SCAPER: variants seen among roughly 807,000 people sequenced by gnomAD.
SCAPER encodes S phase cyclin A-associated protein in the endoplasmic reticulum.
SCAPER carries 98 observed loss-of-function variants against 182.2 expected under a neutral mutation model. The observed-to-expected ratio is 0.54, with a 90% CI of 0.46 to 0.64. SCAPER has a LOEUF of 0.64. SCAPER is among the 30% of genes least tolerant of loss of function. The probability of loss-of-function intolerance (pLI) is 0.00; values close to 1 mark genes in which losing one functional copy is unlikely to be tolerated. For synonymous variants in SCAPER, 605 were observed against 564.6 expected (o/e 1.07, Z -1.01); for missense variants, 1,432 against 1,690.0 (o/e 0.85, Z 2.68).
chr15:76,799,650 C>T (rs1009366573), intron 7 of SCAPER, among the ~76,000 whole-genome samples: 2 of 152,110 alleles, frequency 1.3e-5, no homozygotes, highest in Admixed American at 6.5e-5. Flanking sequence ...TCAGGCAAAA[C>T]GTACCAAGAA....
intron 26 of SCAPER, among the ~76,000 whole-genome samples, chr15:76,425,614 C>A (rs866368047): frequency 2.6e-5 from 4 of 152,214 alleles, no homozygotes; most frequent in Non-Finnish European, 4.4e-5. Context: ...CTTCTCTCAA[C>A]TTGTTAAAGT....
intron 21 of SCAPER, among the ~76,000 whole-genome samples, chr15:76,652,666 G>A (rs1028211565): frequency 1.3e-5 from 2 of 150,690 alleles, no homozygotes; most frequent in Admixed American, 6.6e-5. Flanking sequence ...AGCCAAGATC[G>A]TACCATTGCA....
At chr15:76,482,704 A>G (rs966945336) in intron 24 of SCAPER, among the ~76,000 whole-genome samples, 1 of 152,046 alleles carries the variant, frequency 6.6e-6, no homozygotes, top group African/African-American at 2.4e-5. Context: ...TATATTAGCA[A>G]TGACAAATTG....
chr15:76,476,434 C>G (rs2143008351), intron 24 of SCAPER, among the ~76,000 whole-genome samples: 1 of 150,872 alleles, frequency 6.6e-6, no homozygotes, highest in South Asian at 2.1e-4. Flanking sequence ...TTCTTTCTTT[C>G]TTTTTGAGAC....
intron 29 of SCAPER, among the ~76,000 whole-genome samples, chr15:76,366,527 T>C (rs2041830880): frequency 6.6e-6 from 1 of 152,248 alleles, no homozygotes; most frequent in Admixed American, 6.5e-5. Context: ...CTCTCGGATT[T>C]CTTCTGCTTT....
chr15:76,701,573 CTTG>C (rs1220852098), intron 20 of SCAPER, among the ~76,000 whole-genome samples, 182 bp downstream of exon 20: 1 of 152,030 alleles, frequency 6.6e-6, no homozygotes, highest in Non-Finnish European at 1.5e-5. Context: ...TTCTATCTTT[CTTG>C]TTAAATTAAT....
chr15:76,889,720 T>C (rs1171664356), intron 1 of SCAPER, among the ~76,000 whole-genome samples: 1 of 152,138 alleles, frequency 6.6e-6, no homozygotes, highest in African/African-American at 2.4e-5. Flanking sequence ...ACAATAATAA[T>C]GGGAGACTTT....
rs1005916716 is a variant in SCAPER, at chr15:76,492,348, T to C, written c.2954+12511A>G. On this transcript the variant is annotated intron_variant, in intron 24 of 31. Transcript: ENST00000563290. ...GAAAGTAGAATTACTAGTAAATACA[T>C]ATTATTAAAACAATGAATTTTAAAT... is the stretch of plus-strand genomic sequence containing the variant. Among the ~76,000 whole-genome samples, 35 of 152,352 alleles carry C rather than the reference T, an allele frequency of 2.3e-4. 1 individual carries two copies. Among genetic ancestry groups the C allele is most frequent in the African/African-American group, 7.0e-4 (29 of 41,582 alleles).
intron 5 of SCAPER, among the ~76,000 whole-genome samples, chr15:76,822,994 A>G (rs372627945): frequency 2.3e-4 from 35 of 152,348 alleles, no homozygotes; most frequent in African/African-American, 7.5e-4. Flanking sequence ...TACTATAAAG[A>G]TAACTTCCCA....
intron 27 of SCAPER, among the ~76,000 whole-genome samples, chr15:76,391,801 T>G (rs1474416506): frequency 2.0e-5 from 3 of 152,194 alleles, no homozygotes; most frequent in African/African-American, 7.2e-5. Flanking sequence ...CTTTTAACTC[T>G]AGACACAAAC....
At chr15:76,805,866 C>T (rs893959795) in intron 5 of SCAPER, among the ~76,000 whole-genome samples, 2 of 152,074 alleles carry the variant, frequency 1.3e-5, no homozygotes, top group African/African-American at 2.4e-5. Context: ...CGTGCCCAGC[C>T]GACATTTGTA....
At chr15:76,386,288 T>C (rs2043282811) in intron 27 of SCAPER, among the ~76,000 whole-genome samples, 1 of 152,240 alleles carries the variant, frequency 6.6e-6, no homozygotes, top group Non-Finnish European at 1.5e-5. Flanking sequence ...TCACAGGTTC[T>C]GGAGATTCAA....
At chr15:76,414,432 A>T (rs1414560485) in intron 26 of SCAPER, among the ~76,000 whole-genome samples, 1 of 152,116 alleles carries the variant, frequency 6.6e-6, no homozygotes, top group Non-Finnish European at 1.5e-5. Flanking sequence ...GCTGAAACTC[A>T]AATATAAATA....
rs1419127557 is a variant in SCAPER at position 76,841,840 on chromosome 15, A to G, written c.287T>C (p.Ile96Thr). Residue 96 changes from isoleucine to threonine, a missense_variant, in exon 5 of 32, where the codon ATT becomes ACT. Physicochemically the swap from Ile to Thr is moderately conservative, Grantham distance 89. This residue lies in a region of SCAPER where 480 missense variants were observed against 510.2 expected (regional missense o/e 0.94). Coordinates refer to ENST00000563290, the MANE Select transcript of SCAPER (RefSeq NM_020843.4). ...TGCCCAGTATCGAGCTCTTAGATCA[A>G]TTTTCCGAGGGTGCCTTGTTTTAGT... Reference protein sequence around the residue: ...SPTKTRHPRKIDLRARYWAFL... With the variant: ...SPTKTRHPRKTDLRARYWAFL... 6.2e-7 allele frequency: 1 copy of G among 1,613,794 alleles called. No individual in the cohort carries two copies. Among genetic ancestry groups the G allele is most frequent in the East Asian group, 2.2e-5 (1 of 44,886 alleles).
chr15:76,538,895 G>A (rs2454450), intron 23 of SCAPER, among the ~76,000 whole-genome samples: 48,489 of 151,646 alleles, frequency 0.32, 8,185 homozygotes, highest in East Asian at 0.58. Context: ...CCATTCCTCC[G>A]AAAAACATGA....
At chr15:76,725,484 T>A (rs1354168043) in intron 17 of SCAPER, among the ~76,000 whole-genome samples, 1 of 151,088 alleles carries the variant, frequency 6.6e-6, no homozygotes, top group Non-Finnish European at 1.5e-5. Flanking sequence ...AAAATCCCAA[T>A]GACTTCTTTT....
chr15:76,638,911 C>G (rs140263586), intron 21 of SCAPER, among the ~76,000 whole-genome samples: 1 of 152,218 alleles, frequency 6.6e-6, no homozygotes, highest in East Asian at 1.9e-4. Context: ...GCAAGTTAGG[C>G]AACCATTTTA....
At chr15:76,901,648 T>C in intron 1 of SCAPER, among the ~76,000 whole-genome samples, 1 of 152,260 alleles carries the variant, frequency 6.6e-6, no homozygotes, top group East Asian at 1.9e-4. Context: ...AAGTTATCAT[T>C]TTAGCAAAAC....
intron 23 of SCAPER, among the ~76,000 whole-genome samples, chr15:76,529,179 G>A (rs1457072990): frequency 2.6e-5 from 4 of 152,092 alleles, no homozygotes; most frequent in African/African-American, 9.7e-5. Context: ...AAGTAGCTGG[G>A]ATTACAGGCC....
Sources: allele counts gnomAD v4.1 joint callset (sites outside exome capture counted in the v4.1 genomes callset), GRCh38; gene constraint gnomAD v4.1.1; regional missense constraint gnomAD v4.1.1; transcripts MANE v1.5; gene names NCBI Gene and HGNC (gene_info 2026-07-23, HGNC 2026-07-21).